OXR1: variants seen among roughly 807,000 people sequenced by gnomAD.
The protein encoded by OXR1 is oxidation resistance 1.
In OXR1, 41 loss-of-function variants were observed where a neutral mutation model predicts 104.6. The ratio of observed to expected loss-of-function variants is 0.39; its 90% CI spans 0.31 to 0.51. The LOEUF is 0.51. Ranked by LOEUF, OXR1 falls within the 20% of genes least tolerant of loss-of-function variation. The pLI, the probability that OXR1 is intolerant of heterozygous loss-of-function variation, is 0.77. For synonymous variants in OXR1, 348 were observed against 348.4 expected (o/e 1.00, Z 0.01); for missense variants, 955 against 1,031.9 (o/e 0.93, Z 1.02).
intron 2 of OXR1, among the ~76,000 whole-genome samples, chr8:106,476,420 T>C (rs1443010760): frequency 1.3e-5 from 2 of 151,962 alleles, no homozygotes; most frequent in Non-Finnish European, 1.5e-5. Flanking sequence ...TGGTAGCTGA[T>C]GTCTATCATT....
At chr8:106,741,309 T>G (rs1327293108) in intron 14 of OXR1, among the ~76,000 whole-genome samples, 1 of 152,104 alleles carries the variant, frequency 6.6e-6, no homozygotes, top group Non-Finnish European at 1.5e-5. Flanking sequence ...ATAGAAAGTT[T>G]TATCAGTGGG....
chr8:106,631,933 T>C (rs913720665), intron 3 of OXR1, among the ~76,000 whole-genome samples: 2 of 152,146 alleles, frequency 1.3e-5, no homozygotes, highest in African/African-American at 4.8e-5. Flanking sequence ...CTCATCAAGA[T>C]ATAGTACAAA....
chr8:106,542,561 CAT>C, intron 3 of OXR1, among the ~76,000 whole-genome samples: 1 of 152,226 alleles, frequency 6.6e-6, no homozygotes, highest in South Asian at 2.1e-4. Flanking sequence ...TATATGCAAT[CAT>C]AAAATTATTC....
At chr8:106,694,170 G>A (rs7820703) in intron 7 of OXR1, among the ~76,000 whole-genome samples, 4,892 of 151,438 alleles carry the variant, frequency 0.032, 272 homozygotes, top group African/African-American at 0.11. Context: ...CTAGAATATC[G>A]TATGTTTTAA....
chr8:106,682,638 A>G (rs1003617632), intron 4 of OXR1: 2 of 153,716 alleles, frequency 1.3e-5, no homozygotes, highest in African/African-American at 4.8e-5. Flanking sequence ...GCCAAGTGAC[A>G]TTTTCTTTTA....
At chr8:106,578,031 G>T (rs770735019) in intron 3 of OXR1, among the ~76,000 whole-genome samples, 1 of 152,156 alleles carries the variant, frequency 6.6e-6, no homozygotes, top group East Asian at 1.9e-4. Flanking sequence ...AGAAATCTGG[G>T]TTGTGGCTTC....
chr8:106,317,459 A>T (rs1275304496), intron 1 of OXR1, among the ~76,000 whole-genome samples: 1 of 152,218 alleles, frequency 6.6e-6, no homozygotes, highest in Non-Finnish European at 1.5e-5. Context: ...ACTATTTACT[A>T]AAGGAAAACC....
intron 2 of OXR1, among the ~76,000 whole-genome samples, chr8:106,393,234 T>A (rs1184157776): frequency 6.6e-6 from 1 of 152,204 alleles, no homozygotes; most frequent in African/African-American, 2.4e-5. Flanking sequence ...CTTATCCTTA[T>A]TACTAGAGAA....
chr8:106,399,764 G>T (rs10110475), intron 2 of OXR1, among the ~76,000 whole-genome samples: 30,523 of 152,012 alleles, frequency 0.2, 3,875 homozygotes, highest in East Asian at 0.42. Context: ...GCACAAAGAA[G>T]TCAAGTAAAT....
intron 15 of OXR1, among the ~76,000 whole-genome samples, chr8:106,744,810 T>G (rs549019580): frequency 2.0e-5 from 3 of 152,278 alleles, no homozygotes; most frequent in African/African-American, 7.2e-5. Context: ...AGAAAAGGAA[T>G]CAACACCATT....
At chr8:106,435,475 T>A (rs1049222908) in intron 2 of OXR1, among the ~76,000 whole-genome samples, 1 of 152,174 alleles carries the variant, frequency 6.6e-6, no homozygotes, top group Non-Finnish European at 1.5e-5. Context: ...GGCACGTGCC[T>A]GTTCCAATAA....
chr8:106,288,606 CTATA>C (rs1033404190), intron 1 of OXR1, among the ~76,000 whole-genome samples: 26 of 146,514 alleles, frequency 1.8e-4, no homozygotes, highest in African/African-American at 5.3e-4. Context: ...TATATACTCT[CTATA>C]TATTTATATA....
chr8:106,745,846 G>T lies in OXR1; in HGVS notation c.2470G>T (p.Ala824Ser). 2 of 1,583,918 alleles carry T rather than the reference G, an allele frequency of 1.3e-6. No homozygotes were observed. The highest frequency in any genetic ancestry group is 1.7e-6 in the Non-Finnish European group (2 of 1,153,872). ...TATCAAAGGAGACATGGATTCACTA[G>T]CTTTCGGTGGTGGAGGGTAAGTCTC... ...FFIKGDMDSL[A>S]FGGGGGEFAL... The change falls in exon 16 of 17, where the codon GCT becomes TCT. Residue 824 changes from alanine (A) to serine (S), a missense_variant. Physicochemically the swap from Ala to Ser is moderately conservative, Grantham distance 99 (BLOSUM62 1). Transcript: ENST00000517566.
rs146138884 is a variant in OXR1 at position 106,326,491 on chromosome 8, AG to A, written c.-138-32984del. Among the ~76,000 whole-genome samples, 544 of 152,384 alleles carry A rather than the reference AG, an allele frequency of 3.6e-3. 2 individuals are homozygous for A. The highest frequency in any genetic ancestry group is 0.012 in the African/African-American group (509 of 41,600). The stretch of plus-strand genomic sequence containing the variant: ...TTTTCTAGTCAATGAAGATAGAAAA[AG>A]AATAAAGTAACCAGTTGATTTCTGC... On this transcript the variant is annotated intron_variant, in intron 1 of 16. Coordinates refer to ENST00000517566, the MANE Select transcript of OXR1 (RefSeq NM_001198533.2).
At chr8:106,302,701 ATTTG>A (rs1285090922) in intron 1 of OXR1, among the ~76,000 whole-genome samples, 1 of 152,010 alleles carries the variant, frequency 6.6e-6, no homozygotes, top group Non-Finnish European at 1.5e-5. Context: ...TAAATTGGGT[ATTTG>A]TGGGGAAGAA....
intron 3 of OXR1, among the ~76,000 whole-genome samples, chr8:106,634,836 CAA>C (rs565594701): frequency 6.4e-4 from 78 of 121,556 alleles, no homozygotes; most frequent in Middle Eastern, 4.0e-3. Context: ...TCTTGGCATG[CAA>C]AAAAAAAAAA....
At chr8:106,286,643 A>T (rs905322939) in intron 1 of OXR1, among the ~76,000 whole-genome samples, 3 of 152,016 alleles carry the variant, frequency 2.0e-5, no homozygotes, top group African/African-American at 7.2e-5. Flanking sequence ...AGTTTTTCTC[A>T]TATACAGAAA....
In OXR1 at chr8:106,706,495, C is replaced by G. The variant is rs775357290; in HGVS notation, c.974C>G (p.Thr325Ser). ...IRDAGNDSAS[T>S]APRSTEESLS... The stretch of plus-strand genomic sequence containing the variant: ...GATGCAGGTAATGATAGTGCCAGCA[C>G]TGCTCCTAGGAGCACTGAGGAGTCT... Residue 325 changes from threonine (T) to serine (S), a missense_variant, in exon 9 of 17, where the codon ACT becomes AGT. Physicochemically the swap from Thr to Ser is moderately conservative, Grantham distance 58. This residue lies in a region of OXR1 where 849 missense variants were observed against 852.9 expected (regional missense o/e 1.00). Coordinates refer to ENST00000517566, the MANE Select transcript of OXR1 (RefSeq NM_001198533.2). The G allele has an allele frequency of 6.2e-7, 1 of 1,602,532 alleles. No homozygotes were observed. Among genetic ancestry groups the G allele is most frequent in the Non-Finnish European group, 8.5e-7 (1 of 1,176,514 alleles).
intron 2 of OXR1, among the ~76,000 whole-genome samples, chr8:106,433,471 T>A (rs1819443907): frequency 6.6e-6 from 1 of 152,182 alleles, no homozygotes; most frequent in Non-Finnish European, 1.5e-5. Flanking sequence ...TTGTTAGTCC[T>A]GCAAAGGCAG....
Sources: allele counts gnomAD v4.1 joint callset (sites outside exome capture counted in the v4.1 genomes callset), GRCh38; gene constraint gnomAD v4.1.1; regional missense constraint gnomAD v4.1.1; transcripts MANE v1.5; gene names NCBI Gene and HGNC (gene_info 2026-07-23, HGNC 2026-07-21).